The following NRXN3 variants were observed in gnomAD, a reference collection of about 807,000 sequenced individuals.
NRXN3 encodes neurexin III.
In NRXN3, 32 loss-of-function variants were observed where a neutral mutation model predicts 137.6. The ratio of observed to expected loss-of-function variants is 0.23; its 90% CI spans 0.18 to 0.31. NRXN3 has a LOEUF of 0.31. NRXN3 is among the 10% of genes least tolerant of loss of function. NRXN3 has a pLI of 1.00. For missense variants in NRXN3, 1,574 were observed against 2,062.5 expected (o/e 0.76, Z 4.59); for synonymous variants, 798 against 784.5 (o/e 1.02, Z -0.29).
Position 78,557,274 on chromosome 14 carries a change from C to T in NRXN3, c.758-87846C>T, listed in dbSNP as rs192364008. On this transcript the variant is annotated intron_variant, in intron 4 of 20. Transcript: ENST00000335750. ...CTCCCCATGTTGCTCAGGCTGGTCT[C>T]GAACTCCTGGCTCAAGCAATCTTCC... 1.9e-4 allele frequency among the ~76,000 whole-genome samples: 28 copies of T among 148,572 alleles called. No homozygotes were observed. In the East Asian group the frequency reaches 5.0e-3, roughly 27 times the overall value.
In NRXN3 at chr14:79,325,888, A is replaced by G. The variant is rs1361499501; in HGVS notation, c.3263-141333A>G. 3.3e-5 allele frequency among the ~76,000 whole-genome samples: 5 copies of G among 152,168 alleles called. No individual in the cohort carries two copies. The East Asian group carries it at 7.7e-4, about 23-fold the overall frequency. On this transcript the variant is annotated intron_variant, in intron 15 of 20. Transcript: ENST00000335750. Reference sequence around the variant, plus strand: ...TCGTGAGATGCAGTTTCTCTTTGAGATATATAGTAGCTCTTCTTTCTTCAA... The same window carrying G: ...TCGTGAGATGCAGTTTCTCTTTGAGGTATATAGTAGCTCTTCTTTCTTCAA...
intron 11 of NRXN3, among the ~76,000 whole-genome samples, chr14:78,965,434 G>A (rs1210359373): frequency 9.9e-5 from 15 of 152,134 alleles, no homozygotes; most frequent in Admixed American, 9.2e-4. Flanking sequence ...GAGTGGTCTA[G>A]GCTGAGTAGC....
At chr14:79,219,419 C>T (rs1276430627) in intron 15 of NRXN3, among the ~76,000 whole-genome samples, 1 of 152,160 alleles carries the variant, frequency 6.6e-6, no homozygotes, top group Admixed American at 6.6e-5. Flanking sequence ...TGTCAACCAC[C>T]ATGCCTGGCC....
At position 79,866,084 on chromosome 14, in the gene NRXN3, G is replaced by A. The variant is rs1214425180; in HGVS notation, c.*4120G>A. 1.3e-5 allele frequency: 2 copies of A among 152,142 alleles called. No individual in the cohort carries two copies. The highest frequency in any genetic ancestry group is 1.3e-4 in the Admixed American group (2 of 15,266). The allele number at this position is 152,142 out of a possible 1,614,324, so 9.4% of individuals were successfully genotyped here. On this transcript the variant is annotated 3_prime_UTR_variant, in exon 21 of 21. Transcript: ENST00000335750. ...TTTGTTTCAATGAAGGCAGAAAATG[G>A]CTAGAAGGATTTTAAGCCTTTTTGT...
intron 15 of NRXN3, among the ~76,000 whole-genome samples, chr14:79,381,352 G>A (rs976402289): frequency 6.6e-6 from 1 of 151,950 alleles, no homozygotes; most frequent in Non-Finnish European, 1.5e-5. Context: ...TATCTCTGAA[G>A]GCCGATGTTC....
intron 15 of NRXN3, among the ~76,000 whole-genome samples, chr14:79,215,364 G>A (rs575620226): frequency 6.6e-6 from 1 of 151,784 alleles, no homozygotes; most frequent in African/African-American, 2.4e-5. Context: ...AAACAATAGA[G>A]GCAGAAAATG....
At chr14:78,684,672 T>C (rs958193631) in intron 6 of NRXN3, among the ~76,000 whole-genome samples, 7 of 152,170 alleles carry the variant, frequency 4.6e-5, no homozygotes, top group African/African-American at 1.4e-4. Context: ...AATACACCTG[T>C]AGTCCCAGCT....
intron 16 of NRXN3, among the ~76,000 whole-genome samples, chr14:79,528,279 T>G (rs1482649757): frequency 2.6e-5 from 4 of 152,214 alleles, no homozygotes; most frequent in African/African-American, 9.7e-5. Flanking sequence ...CTGTACTTGA[T>G]AACAGTTGTT....
At chr14:79,530,006 T>C (rs542551682) in intron 16 of NRXN3, among the ~76,000 whole-genome samples, 7 of 152,238 alleles carry the variant, frequency 4.6e-5, no homozygotes, top group Non-Finnish European at 8.8e-5. Context: ...TGTACTTTCA[T>C]GTTTATTTTC....
chr14:78,829,935 C>T (rs1380511720), intron 10 of NRXN3, among the ~76,000 whole-genome samples: 3 of 152,094 alleles, frequency 2.0e-5, no homozygotes, highest in Non-Finnish European at 2.9e-5. Flanking sequence ...TATTTGATAA[C>T]AATGTTTCAC....
At chr14:78,272,778 A>C (rs1472637813) in intron 2 of NRXN3, among the ~76,000 whole-genome samples, 1 of 152,006 alleles carries the variant, frequency 6.6e-6, no homozygotes. Context: ...TCATAGTGCA[A>C]CCTCTCTAGG....
chr14:79,540,210 G>T (rs2097258912), intron 16 of NRXN3, among the ~76,000 whole-genome samples: 1 of 92,718 alleles, frequency 1.1e-5, no homozygotes, highest in Non-Finnish European at 2.1e-5. Flanking sequence ...CTGAACAAAA[G>T]AACTTGTTTA....
At position 78,586,183 on chromosome 14, in the gene NRXN3, T is replaced by C. The variant is rs140025142; in HGVS notation, c.758-58937T>C. On this transcript the variant is annotated intron_variant, in intron 4 of 20. Coordinates refer to ENST00000335750, the MANE Select transcript of NRXN3 (RefSeq NM_001330195.2). ...AGAGCTGAGTAGTTGTGACAAAGAC[T>C]CATGGCCTGCCAAAGGCCAACAAAA... Among the ~76,000 whole-genome samples, 89 of 152,338 alleles carry C rather than the reference T, an allele frequency of 5.8e-4. 1 individual carries two copies. Among genetic ancestry groups the C allele is most frequent in the African/African-American group, 2.0e-3 (82 of 41,582 alleles).
chr14:79,354,833 A>G (rs997892048), intron 15 of NRXN3, among the ~76,000 whole-genome samples: 2 of 152,228 alleles, frequency 1.3e-5, no homozygotes, highest in African/African-American at 4.8e-5. Flanking sequence ...GTCTCCAAAG[A>G]ACATTTTGCT....
At chr14:78,636,906 G>A (rs2152554693) in intron 4 of NRXN3, among the ~76,000 whole-genome samples, 1 of 151,728 alleles carries the variant, frequency 6.6e-6, no homozygotes, top group Admixed American at 6.6e-5. Context: ...ATTATTATAA[G>A]TGGGAAGACA....
intron 8 of NRXN3, among the ~76,000 whole-genome samples, chr14:78,741,851 C>T (rs566059004): frequency 9.2e-5 from 14 of 152,168 alleles, no homozygotes; most frequent in Non-Finnish European, 1.6e-4. Context: ...AATTTGCCTG[C>T]GGTGCCTACA....
At chr14:78,250,249 A>C in intron 2 of NRXN3, 1 of 349,958 alleles carries the variant, frequency 2.9e-6, no homozygotes, top group South Asian at 2.2e-5. Flanking sequence ...AGGAATCATA[A>C]AAAATCGTAC....
At chr14:78,821,141 G>A (rs2098949610) in intron 10 of NRXN3, among the ~76,000 whole-genome samples, 1 of 152,124 alleles carries the variant, frequency 6.6e-6, no homozygotes, top group Admixed American at 6.6e-5. Flanking sequence ...GAAAAAAGAG[G>A]GGGATCACTG....
At chr14:78,903,353 G>T (rs2099203863) in intron 10 of NRXN3, among the ~76,000 whole-genome samples, 1 of 151,724 alleles carries the variant, frequency 6.6e-6, no homozygotes, top group Non-Finnish European at 1.5e-5. Context: ...CATTGCCCAG[G>T]CTGGTCTCAA....
Sources: allele counts gnomAD v4.1 joint callset (sites outside exome capture counted in the v4.1 genomes callset), GRCh38; gene constraint gnomAD v4.1.1; transcripts MANE v1.5; gene names NCBI Gene and HGNC (gene_info 2026-07-23, HGNC 2026-07-21).